PTOV1: variants seen among roughly 807,000 people sequenced by gnomAD.
PTOV1 encodes the protein prostate tumor-overexpressed gene 1 protein.
A neutral mutation model predicts 58.0 loss-of-function variants in PTOV1; 20 were observed. The ratio of observed to expected loss-of-function variants is 0.34; its 90% CI spans 0.24 to 0.50. The LOEUF (loss-of-function observed/expected upper bound fraction) is 0.50. Among genes scored for constraint, PTOV1 ranks in the 20% least tolerant of loss-of-function variants. PTOV1 has a pLI of 0.98. For synonymous variants in PTOV1, 335 were observed against 234.2 expected, an observed-to-expected ratio of 1.43 and a Z score of -3.93; for missense variants, 593 against 565.4, an observed-to-expected ratio of 1.05 and a Z score of -0.50.
intron 10 of PTOV1, chr19:49,859,187 G>A (rs138994776): frequency 8.6e-4 from 132 of 153,426 alleles, no homozygotes; most frequent in Non-Finnish European, 1.6e-3. Flanking sequence ...GTAATATCCC[G>A]AAACTACCTT....
chr19:49,853,055 A>C (rs1313825047), intron 1 of PTOV1: 3 of 150,910 alleles, frequency 2.0e-5, no homozygotes, highest in Admixed American at 1.3e-4. Flanking sequence ...TGGGTGAAGA[A>C]TCACCTGCGT....
intron 2 of PTOV1, 23 bp downstream of exon 2, chr19:49,854,566 CT>C (rs767922140): frequency 6.2e-7 from 1 of 1,612,384 alleles, no homozygotes; most frequent in Non-Finnish European, 8.5e-7. Flanking sequence ...GGGGCTGCGG[CT>C]GGCCTCCAGG....
At chr19:49,860,094 G>A (rs745499878) in exon 11 of PTOV1, 1 of 1,614,188 alleles carries the variant, frequency 6.2e-7, no homozygotes, top group Admixed American at 1.7e-5. Context: ...CCATGACCAG[G>A]GCAACTTTGT....
intron 10 of PTOV1, 33 bp downstream of exon 10, chr19:49,858,686 C>CGGCCAGGGCAGAGCG: frequency 6.5e-7 from 1 of 1,544,254 alleles, no homozygotes; most frequent in South Asian, 1.2e-5. Context: ...GGGGAGGGGC[C>CGGCCAGGGCAGAGCG]GGCCAGGGCA....
exon 6 of PTOV1, chr19:49,857,069 T>C: frequency 6.2e-7 from 1 of 1,614,094 alleles, no homozygotes; most frequent in Non-Finnish European, 8.5e-7. Context: ...ATGGGCCTCA[T>C]CCCCTACGAC....
intron 9 of PTOV1, 56 bp downstream of exon 9, chr19:49,858,170 G>A (rs528218121): frequency 1.2e-5 from 19 of 1,582,910 alleles, no homozygotes; most frequent in East Asian, 6.8e-5. Context: ...TCCAGAGGGC[G>A]GGGCTGGGGG....
At chr19:49,855,905 G>C (rs546979988) in intron 5 of PTOV1, among the ~76,000 whole-genome samples, 2 of 152,212 alleles carry the variant, frequency 1.3e-5, no homozygotes, top group African/African-American at 4.8e-5. Flanking sequence ...GTCAGAAAGG[G>C]GGCTTGGGCT....
At chr19:49,855,426 A>G in intron 5 of PTOV1, 2 of 325,020 alleles carry the variant, frequency 6.2e-6, no homozygotes, top group Admixed American at 8.2e-5. Flanking sequence ...TGTGCTAGGC[A>G]CAAGAGCCAG....
chr19:49,856,807 G>A (rs936787484), intron 5 of PTOV1, 168 bp from the exon 6 acceptor site: 12 of 768,272 alleles, frequency 1.6e-5, no homozygotes, highest in East Asian at 5.4e-5. Context: ...GCCGATGGGC[G>A]CTGCACGGGC....
At chr19:49,856,652 C>A (rs2074481284) in intron 5 of PTOV1, 6 of 357,972 alleles carry the variant, frequency 1.7e-5, no homozygotes, top group South Asian at 1.1e-4. Context: ...TGCTCTTAAC[C>A]CCCAGGCCAA....
At chr19:49,853,493 T>TAAA (rs34050372) in intron 1 of PTOV1, among the ~76,000 whole-genome samples, 6 of 113,592 alleles carry the variant, frequency 5.3e-5, no homozygotes, top group Non-Finnish European at 9.2e-5. Flanking sequence ...CCATCTCTAC[T>TAAA]AAAAAAAAAA....
rs577023022 is a variant in PTOV1, at chr19:49,856,800, G to A, written c.559-175G>A. Reference sequence around the variant, plus strand: ...AGCCATGGCAGGGTCGGGGGATGCCGATGGGCGCTGCACGGGCTCTCAGAG... The same window carrying A: ...AGCCATGGCAGGGTCGGGGGATGCCAATGGGCGCTGCACGGGCTCTCAGAG... On this transcript the variant is annotated intron_variant, in intron 5 of 11. Coordinates refer to ENST00000391842, the Ensembl canonical transcript of PTOV1. 3.6e-5 allele frequency: 26 copies of A among 726,874 alleles called. 1 individual carries two copies. The highest frequency in any genetic ancestry group is 4.8e-5 in the Non-Finnish European group (22 of 457,932). 45.0% of individuals were successfully genotyped at this position (726,874 alleles called of 1,614,324 possible).
chr19:49,852,087 C>A (rs1239889229), intron 1 of PTOV1: 1 of 984,774 alleles, frequency 1.0e-6, no homozygotes, highest in Non-Finnish European at 1.2e-6. Flanking sequence ...GCTGCACACG[C>A]TTCTCCGGAC....
chr19:49,851,064 C>T, upstream of PTOV1: 1 of 1,475,722 alleles, frequency 6.8e-7, no homozygotes, highest in Non-Finnish European at 9.0e-7. Context: ...ACACTCCGCT[C>T]CCGCCCGGGC....
chr19:49,850,734 C>A, upstream of PTOV1: 8 of 947,532 alleles, frequency 8.4e-6, no homozygotes, highest in Non-Finnish European at 1.2e-5. Flanking sequence ...TGCAAACCTT[C>A]AGCTGTCTCA....
At chr19:49,857,495 G>T (rs2074527127) in intron 6 of PTOV1, 198 bp from the exon 7 acceptor site, 3 of 638,162 alleles carry the variant, frequency 4.7e-6, no homozygotes, top group Non-Finnish European at 8.4e-6. Flanking sequence ...TGAGGGCCGG[G>T]ACCTGTCTCA....
chr19:49,857,663 C>T (rs1190434328), intron 6 of PTOV1, 30 bp from the exon 7 acceptor site: 12 of 1,599,986 alleles, frequency 7.5e-6, no homozygotes, highest in Admixed American at 1.7e-5. Flanking sequence ...GAGCCTGGGC[C>T]CCTCTTCCCA....
At position 49,854,456 on chromosome 19, in the gene PTOV1, T is replaced by C. The variant is rs750669912; in HGVS notation, c.222T>C (p.Pro74=). 3.1e-6 allele frequency: 5 copies of C among 1,612,334 alleles called. No homozygotes were observed. The South Asian group carries it at 4.4e-5, about 14-fold the overall frequency. Reference sequence around the variant, plus strand: ...TGGGTCCCATCGGTCCCTCCTCACCTGGGCTCACCCTCGGGGGTCTGGCCG... The same window carrying C: ...TGGGTCCCATCGGTCCCTCCTCACCCGGGCTCACCCTCGGGGGTCTGGCCG... Residue 74 remains proline, a synonymous_variant, in exon 2 of 12, where the codon CCT becomes CCC. Coordinates refer to ENST00000391842, the Ensembl canonical transcript of PTOV1.
rs528742470 is a variant in PTOV1 at position 49,855,833 on chromosome 19, G to A, written c.558+756G>A. On this transcript the variant is annotated intron_variant, in intron 5 of 11. Transcript: ENST00000391842. ...TGAGATGGTGACTTTAGTACCTAGT[G>A]AGTGCTGGGTGAACCCAGCTGGTGA... Among the ~76,000 whole-genome samples, 18 of 152,242 alleles carry A rather than the reference G, an allele frequency of 1.2e-4. 1 individual carries two copies. The South Asian group carries it at 3.7e-3, about 32-fold the overall frequency.
Sources: gnomAD v4.1 joint callset for allele counts (sites outside exome capture counted in the v4.1 genomes callset) on GRCh38, gnomAD v4.1.1 for gene constraint, MANE v1.5 for transcripts, NCBI Gene and HGNC (gene_info 2026-07-23, HGNC 2026-07-21) for gene names.